IARS2: variants seen among roughly 807,000 people sequenced by gnomAD.
The protein encoded by IARS2 is isoleucine--tRNA ligase, mitochondrial.
A neutral mutation model predicts 126.3 loss-of-function variants in IARS2; 56 were observed. The observed-to-expected ratio is 0.44, with a 90% CI of 0.36 to 0.55. The LOEUF (loss-of-function observed/expected upper bound fraction) is 0.55, where lower values mean the gene tolerates loss of function less well. Among genes scored for constraint, IARS2 ranks in the 20% least tolerant of loss-of-function variants. The probability of loss-of-function intolerance (pLI) is 0.00; values close to 1 mark genes in which losing one functional copy is unlikely to be tolerated. For synonymous variants in IARS2, 407 were observed against 441.1 expected (o/e 0.92, Z 0.97); for missense variants, 1,127 against 1,245.9 (o/e 0.90, Z 1.44).
intron 22 of IARS2, among the ~76,000 whole-genome samples, chr1:220,146,517 C>CAAAAAAAAAAAA (rs1186000971): frequency 1.6e-5 from 1 of 62,056 alleles, no homozygotes; most frequent in African/African-American, 5.7e-5. Context: ...GACTCCGTCT[C>CAAAAAAAAAAAA]AAAAAAAAAA....
At chr1:220,120,333 C>T (rs551962903) in intron 12 of IARS2, among the ~76,000 whole-genome samples, 3 of 150,226 alleles carry the variant, frequency 2.0e-5, no homozygotes, top group South Asian at 2.1e-4. Context: ...CCGCCCGCCT[C>T]GGCCTCCCAG....
chr1:220,104,897 A>G (rs1012158684), intron 8 of IARS2, among the ~76,000 whole-genome samples: 6 of 152,190 alleles, frequency 3.9e-5, no homozygotes, highest in African/African-American at 1.4e-4. Flanking sequence ...AATCTATCAC[A>G]TGAATAAAGA....
chr1:220,126,541 A>G (rs756839643), intron 13 of IARS2, among the ~76,000 whole-genome samples: 25 of 152,228 alleles, frequency 1.6e-4, no homozygotes, highest in Non-Finnish European at 3.5e-4. Flanking sequence ...TTACATTGGT[A>G]AATATGTAAT....
intron 9 of IARS2, among the ~76,000 whole-genome samples, 197 bp from the exon 10 acceptor site, chr1:220,106,864 T>G (rs1656691409): frequency 6.6e-6 from 1 of 152,152 alleles, no homozygotes; most frequent in African/African-American, 2.4e-5. Flanking sequence ...ATTCCTGACC[T>G]CAAGTGATCT....
chr1:220,134,090 C>T (rs1490194763), intron 14 of IARS2, among the ~76,000 whole-genome samples: 1 of 152,100 alleles, frequency 6.6e-6, no homozygotes, highest in South Asian at 2.1e-4. Flanking sequence ...TGTAGATGGT[C>T]TCTCTGGGTT....
intron 2 of IARS2, among the ~76,000 whole-genome samples, chr1:220,099,206 C>T (rs1199890370): frequency 6.8e-4 from 85 of 125,192 alleles, no homozygotes; most frequent in African/African-American, 2.6e-3. Context: ...AGCGAGACTC[C>T]GTCTCAAAAA....
intron 1 of IARS2, among the ~76,000 whole-genome samples, chr1:220,095,376 C>T (rs1041313869): frequency 2.0e-5 from 3 of 152,180 alleles, no homozygotes; most frequent in Admixed American, 1.3e-4. Flanking sequence ...TCCTCTTTAG[C>T]TTCTGTAATT....
chr1:220,097,348 C>A (rs980261495), intron 2 of IARS2, among the ~76,000 whole-genome samples: 1 of 150,192 alleles, frequency 6.7e-6, no homozygotes, highest in African/African-American at 2.5e-5. Flanking sequence ...CCTTCTCTTT[C>A]CCAACAGTTC....
intron 21 of IARS2, chr1:220,144,414 T>TA: frequency 3.6e-6 from 2 of 550,048 alleles, no homozygotes; most frequent in Non-Finnish European, 6.4e-6. Context: ...GTCAGTTTTC[T>TA]AAAAAACATC....
At chr1:220,122,964 T>A (rs1450805789) in intron 12 of IARS2, among the ~76,000 whole-genome samples, 2 of 152,006 alleles carry the variant, frequency 1.3e-5, no homozygotes, top group African/African-American at 2.4e-5. Flanking sequence ...TGACACCCAT[T>A]TTTAGAATTA....
intron 11 of IARS2, among the ~76,000 whole-genome samples, chr1:220,112,355 C>G (rs1167445220): frequency 3.1e-5 from 2 of 64,438 alleles, no homozygotes; most frequent in Non-Finnish European, 6.5e-5. Context: ...AGGATGGTCT[C>G]GATCTCCTGA....
chr1:220,113,145 G>A (rs1380291582), intron 11 of IARS2, among the ~76,000 whole-genome samples: 4 of 152,154 alleles, frequency 2.6e-5, no homozygotes, highest in Non-Finnish European at 5.9e-5. Context: ...GATTACAGAC[G>A]TGAGCCACCA....
chr1:220,114,488 T>G lies in IARS2; in HGVS notation c.1640+14T>G. On this transcript the variant is annotated intron_variant, in intron 12 of 22. Transcript: ENST00000366922. ...CTTGATCAACAGGTAGAATGCTTTC[T>G]AAAATTTTTTAGTGTTTTAAAGTGA... is the stretch of plus-strand genomic sequence containing the variant. 6.3e-7 allele frequency: 1 copy of G among 1,580,434 alleles called. No homozygotes were observed. The highest frequency in any genetic ancestry group is 1.2e-5 in the South Asian group (1 of 85,286).
chr1:220,128,982 A>G (rs1046411232), intron 14 of IARS2, among the ~76,000 whole-genome samples: 2 of 151,536 alleles, frequency 1.3e-5, no homozygotes, highest in African/African-American at 4.9e-5. Context: ...GCTTGAGTTC[A>G]AGTGACTCTC....
intron 12 of IARS2, chr1:220,118,264 T>G (rs1054882134): frequency 6.7e-6 from 3 of 448,996 alleles, no homozygotes; most frequent in African/African-American, 6.1e-5. Flanking sequence ...GAGATTCCTT[T>G]TGCTCATCAT....
chr1:220,118,214 G>A (rs369094973), intron 12 of IARS2: 64 of 501,004 alleles, frequency 1.3e-4, no homozygotes, highest in Admixed American at 3.3e-4. Flanking sequence ...AGTCCACATG[G>A]AGTTGCTGTT....
At chr1:220,117,878 A>G in intron 12 of IARS2, 1 of 527,452 alleles carries the variant, frequency 1.9e-6, no homozygotes, top group South Asian at 1.4e-5. Flanking sequence ...CATACAGAAT[A>G]TTGGCCTAAA....
At chr1:220,108,774 C>T (rs558630106) in intron 10 of IARS2, among the ~76,000 whole-genome samples, 2 of 151,936 alleles carry the variant, frequency 1.3e-5, no homozygotes, top group East Asian at 3.9e-4. Context: ...CTGCCTAGGC[C>T]TCCCAAAGTG....
Position 220,114,562 on chromosome 1 carries a change from G to A in IARS2, c.1640+88G>A, listed in dbSNP as rs1018920753. ...AAAATAATGTGGATGATTAAGAACC[G>A]TTTATATATGTTAAATAAAATATGC... On this transcript the variant is annotated intron_variant, in intron 12 of 22. Coordinates refer to ENST00000366922, the MANE Select transcript of IARS2 (RefSeq NM_018060.4). 20 of 930,612 alleles carry A rather than the reference G, an allele frequency of 2.1e-5. No homozygotes were observed. The African/African-American group carries it at 2.7e-4, about 13-fold the overall frequency. The allele number at this position is 930,612 out of a possible 1,614,324, so 57.6% of individuals were successfully genotyped here.
Sources: gnomAD v4.1 joint callset for allele counts (sites outside exome capture counted in the v4.1 genomes callset) on GRCh38, gnomAD v4.1.1 for gene constraint, MANE v1.5 for transcripts, NCBI Gene and HGNC (gene_info 2026-07-23, HGNC 2026-07-21) for gene names.